The following TBX15 variants were observed in gnomAD, a reference collection of about 807,000 sequenced individuals.
The protein encoded by TBX15 is T-box transcription factor 15.
TBX15 carries 18 observed loss-of-function variants against 53.9 expected under a neutral mutation model. The observed-to-expected ratio is 0.33, with a 90% CI of 0.23 to 0.49. The LOEUF is 0.49. Among genes scored for constraint, TBX15 ranks in the 20% least tolerant of loss-of-function variants. The pLI, the probability that TBX15 is intolerant of heterozygous loss-of-function variation, is 0.98. For missense variants in TBX15, 692 were observed against 749.5 expected (o/e 0.92, Z 0.90); for synonymous variants, 295 against 278.0 (o/e 1.06, Z -0.61).
chr1:118,955,011 G>A (rs1224203312), intron 1 of TBX15, among the ~76,000 whole-genome samples: 2 of 152,206 alleles, frequency 1.3e-5, no homozygotes, highest in African/African-American at 4.8e-5. Flanking sequence ...CAAAGGGAGT[G>A]TGAAGAATGT....
At chr1:118,921,788 C>G (rs556483369) in intron 5 of TBX15, among the ~76,000 whole-genome samples, 1 of 152,262 alleles carries the variant, frequency 6.6e-6, no homozygotes, top group East Asian at 1.9e-4. Context: ...ATTTTTTTCT[C>G]TTTACTATTT....
At position 118,884,995 on chromosome 1, in the gene TBX15, T is replaced by G; in HGVS notation, c.1546A>C (p.Asn516His). ...GTGGGGAAATTGTATCCATACAGGT[T>G]GTAAGGGTTGTGAAGGGAGAAGGCA... ...YNAFSLHNPY[N>H]LYGYNFPTSP... Residue 516 changes from asparagine (N) to histidine (H), a missense_variant, in exon 8 of 8, where the codon AAC becomes CAC. Asn to His is a moderately conservative substitution (Grantham distance 68). Around this residue, in one of 3 missense-constraint regions of TBX15, gnomAD observed 375 missense variants for 371.6 expected, o/e 1.01. Coordinates refer to ENST00000369429, the MANE Select transcript of TBX15 (RefSeq NM_001330677.2). 6.2e-7 allele frequency: 1 copy of G among 1,614,022 alleles called. No homozygotes were observed. Among genetic ancestry groups the G allele is most frequent in the Non-Finnish European group, 8.5e-7 (1 of 1,179,998 alleles).
intron 3 of TBX15, among the ~76,000 whole-genome samples, chr1:118,926,287 G>C (rs1302771444): frequency 2.0e-5 from 3 of 152,080 alleles, no homozygotes; most frequent in Admixed American, 2.0e-4. Context: ...TGCTACCTTA[G>C]GAGACACTAT....
At chr1:118,980,979 C>T (rs1235410963) in intron 1 of TBX15, among the ~76,000 whole-genome samples, 3 of 152,044 alleles carry the variant, frequency 2.0e-5, no homozygotes, top group Non-Finnish European at 2.9e-5. Flanking sequence ...ATTACAGGCC[C>T]GCACCACCAC....
At chr1:118,894,307 GCACTTTA>G (rs1436785909) in intron 7 of TBX15, among the ~76,000 whole-genome samples, 2 of 152,168 alleles carry the variant, frequency 1.3e-5, no homozygotes, top group Non-Finnish European at 2.9e-5. Flanking sequence ...TCTTTCCTAA[GCACTTTA>G]CATTCATTAA....
intron 1 of TBX15, among the ~76,000 whole-genome samples, chr1:118,984,242 CT>C (rs1391338131): frequency 3.3e-5 from 5 of 152,226 alleles, no homozygotes; most frequent in Non-Finnish European, 7.3e-5. Context: ...TTGGATGTGC[CT>C]GTCTAGGTGC....
At chr1:118,946,668 T>C (rs570411961) in intron 1 of TBX15, among the ~76,000 whole-genome samples, 1 of 152,326 alleles carries the variant, frequency 6.6e-6, no homozygotes, top group East Asian at 1.9e-4. Flanking sequence ...TGTTTCTCTA[T>C]GTAGTAATGA....
chr1:118,978,521 A>C (rs1325743727), intron 1 of TBX15, among the ~76,000 whole-genome samples: 1 of 152,198 alleles, frequency 6.6e-6, no homozygotes, highest in Admixed American at 6.5e-5. Flanking sequence ...CTTTTTTTCA[A>C]CATTAATATG....
Position 118,884,672 on chromosome 1 carries a change from C to T in TBX15, c.*60G>A. ...ACACTGGACTCCCAAAGAGGAGGAT[C>T]TGACCACGGAGACTCTGGGGCCTTG... is the stretch of plus-strand genomic sequence containing the variant. On this transcript the variant is annotated 3_prime_UTR_variant, in exon 8 of 8. Transcript: ENST00000369429. 2 of 1,583,236 alleles carry T rather than the reference C, an allele frequency of 1.3e-6. No individual in the cohort carries two copies. The highest frequency in any genetic ancestry group is 2.2e-5 in the South Asian group (2 of 90,190).
chr1:118,983,789 G>A (rs566954094), intron 1 of TBX15, among the ~76,000 whole-genome samples: 1 of 152,098 alleles, frequency 6.6e-6, no homozygotes, highest in Admixed American at 6.5e-5. Flanking sequence ...CTCACTCTAC[G>A]CGTTCGCCGA....
In TBX15 at chr1:118,908,479, C is replaced by G. The variant is rs114110594; in HGVS notation, c.926+5636G>C. 3.1e-3 allele frequency among the ~76,000 whole-genome samples: 476 copies of G among 152,218 alleles called. 3 individuals carry two copies. Among genetic ancestry groups the G allele is most frequent in the African/African-American group, 0.011 (452 of 41,534 alleles). On this transcript the variant is annotated intron_variant, in intron 6 of 7. Coordinates refer to ENST00000369429, the MANE Select transcript of TBX15 (RefSeq NM_001330677.2). ...AGTAAGAGAAATCTCCCAGAGGCAA[C>G]CCTGGATATTGTGCCTGACAGCTAC...
rs756955286 is a variant in TBX15, at chr1:118,923,388, G to A, written c.861+48C>T. On this transcript the variant is annotated intron_variant, in intron 5 of 7. Coordinates refer to ENST00000369429, the MANE Select transcript of TBX15 (RefSeq NM_001330677.2). ...AATACCTAAGGAATCTTATGCAGAAGGACCAAAAAACAGATGTAGCAGAAG... is the reference window on the plus strand; with the variant it reads ...AATACCTAAGGAATCTTATGCAGAAAGACCAAAAAACAGATGTAGCAGAAG... 2.5e-6 allele frequency: 4 copies of A among 1,610,524 alleles called. No homozygotes were observed. In the South Asian group the frequency reaches 3.3e-5, roughly 13 times the overall value.
At chr1:118,911,964 T>A (rs1655042193) in intron 6 of TBX15, among the ~76,000 whole-genome samples, 1 of 152,242 alleles carries the variant, frequency 6.6e-6, no homozygotes, top group Non-Finnish European at 1.5e-5. Flanking sequence ...TTATCAATAA[T>A]TGACATACAT....
intron 1 of TBX15, among the ~76,000 whole-genome samples, chr1:118,937,177 G>C (rs965625964): frequency 2.0e-5 from 3 of 152,120 alleles, no homozygotes; most frequent in African/African-American, 7.2e-5. Flanking sequence ...CAGGTAGTGG[G>C]AATAACAGTG....
intron 1 of TBX15, among the ~76,000 whole-genome samples, chr1:118,981,187 T>G (rs966489486): frequency 5.9e-5 from 9 of 152,106 alleles, no homozygotes; most frequent in African/African-American, 2.2e-4. Flanking sequence ...TAAATGAAAA[T>G]GCCCATTACC....
At chr1:118,892,023 G>A (rs1462209896) in intron 7 of TBX15, among the ~76,000 whole-genome samples, 1 of 152,182 alleles carries the variant, frequency 6.6e-6, no homozygotes, top group Non-Finnish European at 1.5e-5. Flanking sequence ...AAATAAAAAT[G>A]AGAATGGTAG....
chr1:118,958,187 T>C (rs903159391), intron 1 of TBX15, among the ~76,000 whole-genome samples: 3 of 152,170 alleles, frequency 2.0e-5, no homozygotes, highest in African/African-American at 7.2e-5. Flanking sequence ...GATGAAGTCA[T>C]AAGGGTAGGG....
intron 7 of TBX15, among the ~76,000 whole-genome samples, chr1:118,893,316 A>AGGAAGGAG (rs1176705195): frequency 7.6e-6 from 1 of 131,682 alleles, no homozygotes; most frequent in Non-Finnish European, 1.6e-5. Flanking sequence ...GAAGGAAGGA[A>AGGAAGGAG]AGAAAGAAAG....
chr1:118,960,331 G>C (rs568276887), intron 1 of TBX15, among the ~76,000 whole-genome samples: 1 of 152,186 alleles, frequency 6.6e-6, no homozygotes, highest in Non-Finnish European at 1.5e-5. Flanking sequence ...CTAGTTTCGA[G>C]AGCCCCATGC....
Sources: gnomAD v4.1 joint callset for allele counts (sites outside exome capture counted in the v4.1 genomes callset) on GRCh38, gnomAD v4.1.1 for gene constraint, gnomAD v4.1.1 regional missense constraint, MANE v1.5 for transcripts, NCBI Gene and HGNC (gene_info 2026-07-23, HGNC 2026-07-21) for gene names.